Variants in CCSER1 observed in about 807,000 individuals in gnomAD.
CCSER1 encodes the protein coiled-coil serine rich protein 1.
In CCSER1, 41 loss-of-function variants were observed where a neutral mutation model predicts 82.0. The ratio of observed to expected loss-of-function variants is 0.50; its 90% CI spans 0.39 to 0.65. The LOEUF (loss-of-function observed/expected upper bound fraction) is 0.65. CCSER1 is among the 30% of genes least tolerant of loss of function. The pLI is 0.00. For synonymous variants in CCSER1, 414 were observed against 383.9 expected (o/e 1.08, Z -0.92); for missense variants, 1,119 against 1,064.2 (o/e 1.05, Z -0.72).
Position 90,815,744 on chromosome 4 carries a change from T to C in CCSER1, c.2011-18T>C. 6.5e-7 allele frequency: 1 copy of C among 1,539,582 alleles called. No individual in the cohort carries two copies. The highest frequency in any genetic ancestry group is 1.7e-4 in the Middle Eastern group (1 of 5,978). ...AAAGGGCTAAGCCTATTATGCTGTCTCTTTGATGTTTTTATAGGATATAAT... is the reference window on the plus strand; with the variant it reads ...AAAGGGCTAAGCCTATTATGCTGTCCCTTTGATGTTTTTATAGGATATAAT... On this transcript the variant is annotated intron_variant, in intron 7 of 10. Transcript: ENST00000509176.
chr4:90,421,167 T>G (rs1756635252), intron 4 of CCSER1, among the ~76,000 whole-genome samples: 1 of 152,186 alleles, frequency 6.6e-6, no homozygotes, highest in Non-Finnish European at 1.5e-5. Flanking sequence ...TTCACACAAT[T>G]ACAACAAATT....
chr4:90,426,001 A>T (rs1354369775), intron 4 of CCSER1, among the ~76,000 whole-genome samples: 1 of 152,106 alleles, frequency 6.6e-6, no homozygotes, highest in East Asian at 1.9e-4. Flanking sequence ...CATCCTAGAG[A>T]AGTGACGTTT....
rs181861549 is a variant in CCSER1 at position 91,303,590 on chromosome 4, G to A, written c.2217+217596G>A. 9.2e-5 allele frequency among the ~76,000 whole-genome samples: 14 copies of A among 151,812 alleles called. No individual in the cohort carries two copies. In the East Asian group the frequency reaches 1.4e-3, roughly 15 times the overall value. On this transcript the variant is annotated intron_variant, in intron 10 of 10. Transcript: ENST00000509176. ...CACTTGAGTCCAGGAGTTCAAGACC[G>A]GCCTTGGCAACATAGCAAGACCCCA...
At chr4:90,951,684 A>G (rs1732932390) in intron 9 of CCSER1, among the ~76,000 whole-genome samples, 1 of 152,118 alleles carries the variant, frequency 6.6e-6, no homozygotes, top group Non-Finnish European at 1.5e-5. Flanking sequence ...CATATACTGC[A>G]AAGAGAAATA....
intron 3 of CCSER1, chr4:90,325,854 C>A (rs1029308782): frequency 6.2e-5 from 14 of 224,674 alleles, no homozygotes. Flanking sequence ...TATAGTACTA[C>A]TGAAGAATTA....
chr4:90,373,643 A>G (rs978693217), intron 3 of CCSER1, among the ~76,000 whole-genome samples: 1 of 152,210 alleles, frequency 6.6e-6, no homozygotes, highest in East Asian at 1.9e-4. Context: ...AAAAAATGAT[A>G]CAACTGATGC....
In CCSER1 at chr4:91,598,901, A is replaced by G; in HGVS notation, c.2547A>G (p.Gln849=). Residue 849 remains glutamine (Q), a synonymous_variant, in exon 11 of 11, where the codon CAA becomes CAG. Transcript: ENST00000509176. ...CGTTCTTAGAGAAACCAAAGGACCA[A>G]GTTGCTACGGCCCGACAGCATTCGA... is the stretch of plus-strand genomic sequence containing the variant. ...LSTFLEKPKD[Q]VATARQHSTF... The G allele has an allele frequency of 6.4e-7, 1 of 1,551,628 alleles. No individual in the cohort carries two copies. Among genetic ancestry groups the G allele is most frequent in the Non-Finnish European group, 8.7e-7 (1 of 1,146,934 alleles).
intron 6 of CCSER1, among the ~76,000 whole-genome samples, chr4:90,661,842 AG>A (rs1730849398): frequency 6.6e-6 from 1 of 152,128 alleles, no homozygotes; most frequent in Admixed American, 6.5e-5. Flanking sequence ...CACAAGTATC[AG>A]AAAATGTGCT....
rs1039691280 is a variant in CCSER1 at position 90,461,167 on chromosome 4, G to A, written c.1604-7067G>A. On this transcript the variant is annotated intron_variant, in intron 4 of 10. Transcript: ENST00000509176. Reference sequence around the variant, plus strand: ...TGCAAGCTCCGCCTCCCGGGTTCACGCCATTCTCCTGCCTCAGCCTCCCAA... The same window carrying A: ...TGCAAGCTCCGCCTCCCGGGTTCACACCATTCTCCTGCCTCAGCCTCCCAA... Among the ~76,000 whole-genome samples the A allele has an allele frequency of 1.1e-4, 14 of 122,798 alleles. 2 individuals are homozygous for A. Among genetic ancestry groups the A allele is most frequent in the Middle Eastern group, 4.3e-3 (1 of 232 alleles). 80.6% of individuals were successfully genotyped at this position (122,798 alleles called of 152,430 possible).
intron 10 of CCSER1, among the ~76,000 whole-genome samples, chr4:91,309,242 T>C (rs80103929): frequency 6.6e-6 from 1 of 152,076 alleles, no homozygotes; most frequent in African/African-American, 2.4e-5. Flanking sequence ...ATTGGCTTAC[T>C]ATTCTTTTCC....
intron 10 of CCSER1, among the ~76,000 whole-genome samples, chr4:91,496,158 C>A (rs1216455063): frequency 1.3e-5 from 2 of 151,368 alleles, no homozygotes; most frequent in Non-Finnish European, 3.0e-5. Flanking sequence ...ATCCTAAATG[C>A]AGTACCTCAG....
intron 9 of CCSER1, among the ~76,000 whole-genome samples, chr4:90,999,913 T>C (rs1737852279): frequency 6.6e-6 from 1 of 150,812 alleles, no homozygotes; most frequent in Admixed American, 6.6e-5. Flanking sequence ...ATTCTTATAG[T>C]TTGAGGTCTT....
chr4:90,737,126 A>C (rs1209704037), intron 7 of CCSER1, among the ~76,000 whole-genome samples: 1 of 152,042 alleles, frequency 6.6e-6, no homozygotes, highest in Non-Finnish European at 1.5e-5. Flanking sequence ...TAGTTTTTCT[A>C]CCCAAGTTAT....
At chr4:90,415,589 CAAAT>C (rs1297372070) in intron 4 of CCSER1, among the ~76,000 whole-genome samples, 1 of 152,058 alleles carries the variant, frequency 6.6e-6, no homozygotes, top group Non-Finnish European at 1.5e-5. Flanking sequence ...CACTGGGTAA[CAAAT>C]AAGACAATTT....
intron 10 of CCSER1, among the ~76,000 whole-genome samples, chr4:91,227,229 T>C (rs1295425039): frequency 6.6e-6 from 1 of 151,842 alleles, no homozygotes; most frequent in East Asian, 1.9e-4. Flanking sequence ...TCATAAATAT[T>C]CTTATACCAT....
In CCSER1 at chr4:90,689,468, T is replaced by G. The variant is rs75338470; in HGVS notation, c.1933-34446T>G. On this transcript the variant is annotated intron_variant, in intron 6 of 10. Coordinates refer to ENST00000509176, the MANE Select transcript of CCSER1 (RefSeq NM_001145065.2). ...TTTATTTTAAAACAGCTCGTTGATA[T>G]AGATAAAATTGAACTAAGATTTCTA... Among the ~76,000 whole-genome samples the G allele has an allele frequency of 3.3e-5, 5 of 152,296 alleles. No individual in the cohort carries two copies. The East Asian group carries it at 9.6e-4, about 29-fold the overall frequency.
chr4:91,465,895 T>C (rs180799725), intron 10 of CCSER1, among the ~76,000 whole-genome samples: 1,547 of 152,224 alleles, frequency 0.01, 11 homozygotes, highest in Middle Eastern at 0.02. Flanking sequence ...CAGGACCAGA[T>C]GGATTCACAG....
intron 1 of CCSER1, among the ~76,000 whole-genome samples, chr4:90,266,395 A>C (rs1725228738): frequency 6.6e-6 from 1 of 152,092 alleles, no homozygotes; most frequent in African/African-American, 2.4e-5. Context: ...TTTAATCTAT[A>C]TAGTCCAGAG....
chr4:90,814,496 C>A (rs1156655470), intron 7 of CCSER1, among the ~76,000 whole-genome samples: 1 of 152,178 alleles, frequency 6.6e-6, no homozygotes, highest in Non-Finnish European at 1.5e-5. Context: ...CATGGTCAGG[C>A]TGCAAATTTT....
Sources: gnomAD v4.1 joint callset for allele counts (sites outside exome capture counted in the v4.1 genomes callset) on GRCh38, gnomAD v4.1.1 for gene constraint, MANE v1.5 for transcripts, NCBI Gene and HGNC (gene_info 2026-07-23, HGNC 2026-07-21) for gene names.